The following AGAP3 variants were observed in gnomAD, a reference collection of about 807,000 sequenced individuals.
The protein encoded by AGAP3 is ArfGAP with GTPase domain, ankyrin repeat and PH domain 3.
Under a neutral mutation model 96.9 loss-of-function variants are expected in AGAP3, and 24 were observed. The ratio of observed to expected loss-of-function variants is 0.25; its 90% confidence interval spans 0.18 to 0.35. The LOEUF is 0.35. AGAP3 is among the 10% of genes least tolerant of loss of function. The pLI is 1.00. For missense variants in AGAP3, 876 were observed against 1,254.2 expected, an observed-to-expected ratio of 0.70 and a Z score of 4.55; for synonymous variants, 563 against 536.1, an observed-to-expected ratio of 1.05 and a Z score of -0.69.
intron 1 of AGAP3, among the ~76,000 whole-genome samples, chr7:151,093,008 A>G (rs1429859854): frequency 6.6e-6 from 1 of 152,188 alleles, no homozygotes; most frequent in Non-Finnish European, 1.5e-5. Flanking sequence ...GACGTCTTCA[A>G]TCCCCAACTG....
chr7:151,103,492 T>C (rs1798914671), intron 1 of AGAP3, among the ~76,000 whole-genome samples: 1 of 152,016 alleles, frequency 6.6e-6, no homozygotes, highest in African/African-American at 2.4e-5. Flanking sequence ...TTTAAAAATG[T>C]GATCATTATT....
intron 8 of AGAP3, chr7:151,120,688 C>A: frequency 8.0e-7 from 1 of 1,254,750 alleles, no homozygotes; most frequent in Non-Finnish European, 1.0e-6. Context: ...ATTGGTTTAA[C>A]AAAGGCTTAG....
At chr7:151,122,536 GTCCTCCTCCTTC>G (rs1563490020) in intron 8 of AGAP3, among the ~76,000 whole-genome samples, 10 of 150,074 alleles carry the variant, frequency 6.7e-5, no homozygotes, top group African/African-American at 2.2e-4. Flanking sequence ...CCTCCTCCTG[GTCCTCCTCCTTC>G]TCCTCCTCCT....
At chr7:151,125,573 C>T (rs1177244862) in intron 9 of AGAP3, among the ~76,000 whole-genome samples, 1 of 152,222 alleles carries the variant, frequency 6.6e-6, no homozygotes, top group Non-Finnish European at 1.5e-5. Context: ...GTGCCCGCTG[C>T]TTCCCGTTCT....
intron 1 of AGAP3, among the ~76,000 whole-genome samples, chr7:151,112,469 T>G (rs922544830): frequency 1.3e-5 from 2 of 149,626 alleles, no homozygotes; most frequent in Non-Finnish European, 3.0e-5. Context: ...CTTAACCCCC[T>G]TCTTTCCCAT....
chr7:151,122,559 C>G (rs1799958397), intron 8 of AGAP3, among the ~76,000 whole-genome samples: 1 of 151,806 alleles, frequency 6.6e-6, no homozygotes, highest in African/African-American at 2.4e-5. Flanking sequence ...TCCTCCTCCT[C>G]CTTGTCCTTC....
At chr7:151,109,195 CAAAG>C (rs1351420826) in intron 1 of AGAP3, among the ~76,000 whole-genome samples, 2 of 148,364 alleles carry the variant, frequency 1.3e-5, no homozygotes, top group African/African-American at 2.5e-5. Flanking sequence ...AAACAAAAAA[CAAAG>C]AAAACAAAGA....
At chr7:151,136,183 C>G (rs570410370) in intron 11 of AGAP3, 3 of 152,358 alleles carry the variant, frequency 2.0e-5, no homozygotes, top group African/African-American at 7.2e-5. Flanking sequence ...CTTATCATTC[C>G]AAAAATGAGG....
rs1470438699 is a variant in AGAP3 at position 151,108,622 on chromosome 7, C to T, written c.332-8171C>T. 6.6e-6 allele frequency among the ~76,000 whole-genome samples: 1 copy of T among 152,242 alleles called. No individual in the cohort carries two copies. Among genetic ancestry groups the T allele is most frequent in the Non-Finnish European group, 1.5e-5 (1 of 68,040 alleles). ...AGGCTGGGTCCTACGCCAGTCCAGA[C>T]TGCCAGCCGCGTCACCTTGAGGCAG... On this transcript the variant is annotated intron_variant, in intron 1 of 17. Transcript: ENST00000397238. This position sits in a 1 kb window ranked among gnomAD's most constrained non-coding sequence, Gnocchi z 4.2.
At chr7:151,120,995 G>A (rs1053837006) in intron 8 of AGAP3, 9 of 324,788 alleles carry the variant, frequency 2.8e-5, no homozygotes, top group Admixed American at 5.9e-5. Flanking sequence ...GGGTTGTCAC[G>A]AGAGCGCCCG....
At position 151,128,675 on chromosome 7, in the gene AGAP3, C is replaced by T. The variant is rs758845699; in HGVS notation, c.1317C>T (p.Pro439=). ...ACAACGGGCTGCTCACCTATCACCC[C>T]AGCCTGCATGTGAGTCTGGGAGGAG... ...LCDNGLLTYH[P]SLHDYMQNIH... is the part of the protein sequence containing the mutation. The change falls in exon 10 of 18, where the codon CCC becomes CCT. Residue 439 remains proline (P), a synonymous_variant. Coordinates refer to ENST00000397238, the MANE Select transcript of AGAP3 (RefSeq NM_031946.7). 1.4e-5 allele frequency: 23 copies of T among 1,613,454 alleles called. No homozygotes were observed. Among genetic ancestry groups the T allele is most frequent in the Non-Finnish European group, 1.0e-5 (12 of 1,179,842 alleles).
At chr7:151,115,311 C>A (rs1469150479) in intron 1 of AGAP3, 2 of 1,007,096 alleles carry the variant, frequency 2.0e-6, no homozygotes, top group African/African-American at 3.5e-5. Context: ...GGGGCCCCGG[C>A]GCGGCCTGGC....
intron 1 of AGAP3, chr7:151,090,017 C>T (rs915238249): frequency 6.6e-6 from 1 of 152,214 alleles, no homozygotes; most frequent in Non-Finnish European, 1.5e-5. Flanking sequence ...TGGCTGAGTC[C>T]TAGAAAGAGG....
chr7:151,113,198 T>C (rs537711580), intron 1 of AGAP3, among the ~76,000 whole-genome samples: 1 of 152,310 alleles, frequency 6.6e-6, no homozygotes, highest in Admixed American at 6.5e-5. Context: ...CTCAGTGACG[T>C]TGGCCGGCTT....
chr7:151,086,804 G>GTGC lies in AGAP3; in HGVS notation c.63_64insTGC (p.Gly21_Gly22insCys), dbSNP rs1309869777. 2.0e-5 allele frequency: 1 copy of GTGC among 50,976 alleles called. No individual in the cohort carries two copies. The highest frequency in any genetic ancestry group is 2.2e-5 in the Non-Finnish European group (1 of 44,562). 3.2% of individuals were successfully genotyped at this position (50,976 alleles called of 1,614,324 possible). ...AGCAGCAGAGCCTGGCGGCTCCGGG[G>GTGC]GGCGGCGGCGCTGCCGCGCAGCAGC... On this transcript the variant is annotated inframe_insertion, in exon 1 of 18. Transcript: ENST00000397238.
chr7:151,143,924 G>A lies in AGAP3; in HGVS notation c.2717G>A (p.Arg906His), dbSNP rs117071005. ...NGTNPSAELH[R>H]SPSLL The stretch of plus-strand genomic sequence containing the variant: ...ACCAACCCCTCTGCTGAGCTGCACC[G>A]TAGTCCTAGCCTCCTATAAGGCCCA... The change falls in exon 18 of 18, where the codon CGT (arginine) becomes CAT (histidine). Residue 906 changes from arginine (R) to histidine (H), a missense_variant. Transcript: ENST00000397238. The surrounding 1 kb of genome is among the most constrained non-coding windows in gnomAD (Gnocchi z 5.9). 310 of 1,614,004 alleles carry A rather than the reference G, an allele frequency of 1.9e-4. 1 individual carries two copies. The East Asian group carries it at 2.9e-3, about 15-fold the overall frequency.
chr7:151,093,433 G>A (rs1260815816), intron 1 of AGAP3, among the ~76,000 whole-genome samples: 1 of 152,140 alleles, frequency 6.6e-6, no homozygotes, highest in African/African-American at 2.4e-5. Context: ...GAGCCACCAC[G>A]TCCGTGCCCA....
chr7:151,117,290 C>A, intron 3 of AGAP3, 81 bp from the exon 4 acceptor site: 4 of 1,594,872 alleles, frequency 2.5e-6, no homozygotes, highest in South Asian at 2.2e-5. Flanking sequence ...CTCTTCCCTC[C>A]CGCATGGGAA....
intron 1 of AGAP3, among the ~76,000 whole-genome samples, chr7:151,093,417 AG>A (rs1481293554): frequency 1.3e-5 from 2 of 152,222 alleles, no homozygotes; most frequent in African/African-American, 4.8e-5. Context: ...CTGGGATTAC[AG>A]GCATGAGCCA....
Sources: allele counts gnomAD v4.1 joint callset (sites outside exome capture counted in the v4.1 genomes callset), GRCh38; gene constraint gnomAD v4.1.1; non-coding constraint Gnocchi (gnomAD v3.1); transcripts MANE v1.5; gene names NCBI Gene and HGNC (gene_info 2026-07-23, HGNC 2026-07-21).